Variants in ZC3H4 observed in about 807,000 individuals in gnomAD.
ZC3H4 encodes zinc finger CCCH domain-containing protein 4.
ZC3H4 carries 13 observed loss-of-function variants against 108.3 expected under a neutral mutation model. The observed-to-expected ratio is 0.12, with a 90% CI of 0.08 to 0.19. The LOEUF (loss-of-function observed/expected upper bound fraction) is 0.19, where lower values mean the gene tolerates loss of function less well. ZC3H4 is among the 10% of genes least tolerant of loss of function. The pLI, the probability that ZC3H4 is intolerant of heterozygous loss-of-function variation, is 1.00. For synonymous variants in ZC3H4, 917 were observed against 749.6 expected (o/e 1.22, Z -3.65); for missense variants, 1,734 against 1,838.8 (o/e 0.94, Z 1.04).
rs2057175882 is a variant in ZC3H4, at chr19:47,065,066, C to G, written c.*1290G>C. The stretch of plus-strand genomic sequence containing the variant: ...GCCCAGAGGCAGGATAGCAGGCCTC[C>G]CCCAGCACCCCTTGCGCCCATCTCT... On this transcript the variant is annotated 3_prime_UTR_variant, in exon 15 of 15. Transcript: ENST00000253048. The G allele has an allele frequency of 6.6e-6, 1 of 152,494 alleles. No individual in the cohort carries two copies. Among genetic ancestry groups the G allele is most frequent in the Non-Finnish European group, 1.5e-5 (1 of 68,276 alleles). 9.4% of individuals were successfully genotyped at this position (152,494 alleles called of 1,614,324 possible).
Position 47,067,922 on chromosome 19 carries a change from C to T in ZC3H4, c.2399-53G>A. 6.6e-7 allele frequency: 1 copy of T among 1,511,458 alleles called. No individual in the cohort carries two copies. Among genetic ancestry groups the T allele is most frequent in the Non-Finnish European group, 8.9e-7 (1 of 1,123,926 alleles). The allele number at this position is 1,511,458 out of a possible 1,614,324, so 93.6% of individuals were successfully genotyped here. A position where few individuals can be genotyped will look rare whatever the true frequency, so the allele number is the denominator to read the frequency against. ...GGTGAGTGGGCGCATCCACCACCCGCCCTCTTGGATCCCACAGCAGCCCAC... is the reference window on the plus strand; with the variant it reads ...GGTGAGTGGGCGCATCCACCACCCGTCCTCTTGGATCCCACAGCAGCCCAC... On this transcript the variant is annotated intron_variant, in intron 14 of 14. Coordinates refer to ENST00000253048, the MANE Select transcript of ZC3H4 (RefSeq NM_015168.2). This position sits in a 1 kb window ranked among gnomAD's most constrained non-coding sequence, Gnocchi z 6.4.
At position 47,113,742 on chromosome 19, in the gene ZC3H4, G is replaced by C. The variant is rs1464705566; in HGVS notation, c.-28C>G. ...AACCGAAAGCTGGAGGCCAGGTGCC[G>C]AGAGTCGGAGGTTTCCGGAGAAGCG... On this transcript the variant is annotated 5_prime_UTR_variant, in exon 1 of 15. Transcript: ENST00000253048. 6.6e-6 allele frequency: 1 copy of C among 152,328 alleles called. No individual in the cohort carries two copies. The highest frequency in any genetic ancestry group is 1.9e-4 in the East Asian group (1 of 5,198). 9.4% of individuals were successfully genotyped at this position (152,328 alleles called of 1,614,324 possible).
At position 47,086,378 on chromosome 19, in the gene ZC3H4, C is replaced by T; in HGVS notation, c.870+6G>A. On this transcript the variant is annotated splice_donor_region_variant and intron_variant, in intron 6 of 14. Coordinates refer to ENST00000253048, the MANE Select transcript of ZC3H4 (RefSeq NM_015168.2). ...CCGACGTCCCCAGGGCCAGAGGAAA[C>T]CTTACGTCCATCTCTTCCTCGTAGA... 1 of 1,613,552 alleles carries T rather than the reference C, an allele frequency of 6.2e-7. No homozygotes were observed.
intron 2 of ZC3H4, among the ~76,000 whole-genome samples, chr19:47,110,711 C>A (rs2058027678): frequency 6.6e-6 from 1 of 152,200 alleles, no homozygotes; most frequent in Non-Finnish European, 1.5e-5. Flanking sequence ...AGCGTGTAAG[C>A]ACCTTTGAGT....
In ZC3H4 at chr19:47,112,412, C is replaced by CG. The variant is rs2058052184; in HGVS notation, c.161+11dup. The CG allele has an allele frequency of 1.6e-6, 2 of 1,234,096 alleles. No individual in the cohort carries two copies. The highest frequency in any genetic ancestry group is 2.0e-6 in the Non-Finnish European group (2 of 987,658). The allele number at this position is 1,234,096 out of a possible 1,614,324, so 76.4% of individuals were successfully genotyped here. On this transcript the variant is annotated intron_variant, in intron 2 of 14. Coordinates refer to ENST00000253048, the MANE Select transcript of ZC3H4 (RefSeq NM_015168.2). ...CCCGGGGACGCAGCCCCGGCCCAAC[C>CG]GGGGGCCTGACCTGTCGTCAGGGAG...
intron 10 of ZC3H4, 146 bp downstream of exon 10, chr19:47,082,038 T>C: frequency 1.4e-6 from 1 of 715,636 alleles, no homozygotes; most frequent in Non-Finnish European, 2.5e-6. Flanking sequence ...AGGGCGGACG[T>C]GAGTGTTAAA....
rs773202452 is a variant in ZC3H4, at chr19:47,066,782, C to G, written c.3486G>C (p.Glu1162Asp). 25 of 1,601,890 alleles carry G rather than the reference C, an allele frequency of 1.6e-5. No homozygotes were observed. In the African/African-American group the frequency reaches 2.7e-4, roughly 17 times the overall value. ...GCTGGGCACCCGTGTCAGCAGCCGG[C>G]TCTGTGGCTTTGCCCCCCGCGTTGG... ...RTPNAGGKAT[E>D]PAADTGAQPK... The change falls in exon 15 of 15, where the codon GAG becomes GAC. Residue 1162 changes from glutamate to aspartate, a missense_variant. Coordinates refer to ENST00000253048, the MANE Select transcript of ZC3H4 (RefSeq NM_015168.2).
In ZC3H4 at chr19:47,072,091, T is replaced by C; in HGVS notation, c.1833A>G (p.Pro611=). The C allele has an allele frequency of 6.4e-7, 1 of 1,557,470 alleles. No individual in the cohort carries two copies. Among genetic ancestry groups the C allele is most frequent in the South Asian group, 1.2e-5 (1 of 83,994 alleles). ...GTCCCATGTTGGGCCCAGGGCCCAT[T>C]GGCCCTGGGGGTCCACCGGGTCCAG... ...RFPGPGGPPG[P]MGPGPNMGPP... The change falls in exon 13 of 15, where the codon CCA becomes CCG. Residue 611 remains proline (P), a synonymous_variant. Transcript: ENST00000253048. The surrounding 1 kb of genome is among the most constrained non-coding windows in gnomAD (Gnocchi z 5.6).
Position 47,067,823 on chromosome 19 carries a change from G to T in ZC3H4, c.2445C>A (p.Ser815Arg). The T allele has an allele frequency of 6.2e-7, 1 of 1,607,956 alleles. No homozygotes were observed. Among genetic ancestry groups the T allele is most frequent in the Non-Finnish European group, 8.5e-7 (1 of 1,177,858 alleles). Residue 815 changes from serine to arginine, a missense_variant, in exon 15 of 15, where the codon AGC becomes AGA. Physicochemically the swap from Ser to Arg is moderately radical, Grantham distance 110. This residue lies in a region of ZC3H4 where 540 missense variants were observed against 484.1 expected (regional missense o/e 1.12). Transcript: ENST00000253048. This position sits in a 1 kb window ranked among gnomAD's most constrained non-coding sequence, Gnocchi z 6.4. ...AGGTCTTCAGGATGGAGGTGACACT[G>T]CTTCCACCCTCATCCTCATCACTTG... is the stretch of plus-strand genomic sequence containing the variant. ...WYSSDEDEGG[S>R]SVTSILKTLR...
At chr19:47,111,069 G>A (rs1443846982) in intron 2 of ZC3H4, 2 of 240,132 alleles carry the variant, frequency 8.3e-6, no homozygotes, top group Non-Finnish European at 1.3e-5. Flanking sequence ...GGTCCTCAGC[G>A]GCTCCCCAGC....
intron 4 of ZC3H4, 61 bp from the exon 5 acceptor site, chr19:47,090,250 C>A (rs2122953285): frequency 6.3e-7 from 1 of 1,579,032 alleles, no homozygotes; most frequent in East Asian, 2.2e-5. Flanking sequence ...GTGCAGACTA[C>A]CAAGATACCC....
Position 47,067,910 on chromosome 19 carries a change from A to G in ZC3H4, c.2399-41T>C, listed in dbSNP as rs747727042. 2 of 1,525,634 alleles carry G rather than the reference A, an allele frequency of 1.3e-6. No individual in the cohort carries two copies. Among genetic ancestry groups the G allele is most frequent in the Non-Finnish European group, 1.8e-6 (2 of 1,133,264 alleles). The allele number at this position is 1,525,634 out of a possible 1,614,324, so 94.5% of individuals were successfully genotyped here. Reference sequence around the variant, plus strand: ...GGAGCAGGGAGGGGTGAGTGGGCGCATCCACCACCCGCCCTCTTGGATCCC... The same window carrying G: ...GGAGCAGGGAGGGGTGAGTGGGCGCGTCCACCACCCGCCCTCTTGGATCCC... On this transcript the variant is annotated intron_variant, in intron 14 of 14. Coordinates refer to ENST00000253048, the MANE Select transcript of ZC3H4 (RefSeq NM_015168.2). The surrounding 1 kb of genome is among the most constrained non-coding windows in gnomAD (Gnocchi z 6.4).
chr19:47,085,306 G>T lies in ZC3H4; in HGVS notation c.967+12C>A. 6.3e-7 allele frequency: 1 copy of T among 1,589,646 alleles called. No homozygotes were observed. The highest frequency in any genetic ancestry group is 1.8e-5 in the Admixed American group (1 of 56,372). Reference sequence around the variant, plus strand: ...GCCCCACCCAGCGTGTCCTCTCCAGGCCCCTGCCCACCTCGGCCTCGGCTG... The same window carrying T: ...GCCCCACCCAGCGTGTCCTCTCCAGTCCCCTGCCCACCTCGGCCTCGGCTG... On this transcript the variant is annotated intron_variant, in intron 7 of 14. Coordinates refer to ENST00000253048, the MANE Select transcript of ZC3H4 (RefSeq NM_015168.2).
intron 4 of ZC3H4, among the ~76,000 whole-genome samples, chr19:47,091,227 G>A (rs911742955): frequency 3.9e-5 from 6 of 151,986 alleles, no homozygotes; most frequent in Non-Finnish European, 8.8e-5. Context: ...AGCAGAGACT[G>A]CACCACTGCA....
At chr19:47,069,457 G>A in intron 13 of ZC3H4, 114 bp from the exon 14 acceptor site, 1 of 1,271,836 alleles carries the variant, frequency 7.9e-7, no homozygotes, top group South Asian at 1.5e-5. Context: ...AGGACGCACA[G>A]CCTGCCCCTG....
At chr19:47,108,144 T>C (rs890724887) in intron 2 of ZC3H4, among the ~76,000 whole-genome samples, 1 of 152,162 alleles carries the variant, frequency 6.6e-6, no homozygotes, top group East Asian at 1.9e-4. Context: ...TCAGGAGTCA[T>C]CCTTTTTTCT....
chr19:47,088,904 A>C (rs2057680270), intron 5 of ZC3H4, among the ~76,000 whole-genome samples: 1 of 152,108 alleles, frequency 6.6e-6, no homozygotes, highest in East Asian at 2.0e-4. Flanking sequence ...GTATCCAAGA[A>C]AGACTGCTAG....
intron 2 of ZC3H4, among the ~76,000 whole-genome samples, chr19:47,094,903 A>G (rs1223613317): frequency 6.6e-6 from 1 of 152,222 alleles, no homozygotes; most frequent in Non-Finnish European, 1.5e-5. Flanking sequence ...TCTTAGAAGA[A>G]GAAACCGACA....
chr19:47,068,439 C>A lies in ZC3H4; in HGVS notation c.2399-570G>T, dbSNP rs142261925. On this transcript the variant is annotated intron_variant, in intron 14 of 14. Coordinates refer to ENST00000253048, the MANE Select transcript of ZC3H4 (RefSeq NM_015168.2). ...GTCCCAGGGAGGGGCTGGTGTGGAC[C>A]AACCGCAGTCACCAGCTGATAAGAG... 1.2e-4 allele frequency among the ~76,000 whole-genome samples: 18 copies of A among 152,328 alleles called. No homozygotes were observed. In the East Asian group the frequency reaches 3.5e-3, roughly 29 times the overall value.
Sources: gnomAD v4.1 joint callset for allele counts (sites outside exome capture counted in the v4.1 genomes callset) on GRCh38, gnomAD v4.1.1 for gene constraint, gnomAD v4.1.1 regional missense constraint, Gnocchi (gnomAD v3.1) non-coding constraint, MANE v1.5 for transcripts, NCBI Gene and HGNC (gene_info 2026-07-23, HGNC 2026-07-21) for gene names.